Variants in HS3ST5 observed in about 807,000 individuals in gnomAD.
HS3ST5 encodes heparan sulfate-glucosamine 3-sulfotransferase 5, also known as heparan sulfate glucosamine 3-O-sulfotransferase 5.
Under a neutral mutation model 25.4 loss-of-function variants are expected in HS3ST5, and 10 were observed. The ratio of observed to expected loss-of-function variants is 0.39; its 90% CI spans 0.24 to 0.67. HS3ST5 has a LOEUF of 0.67. Ranked by LOEUF, HS3ST5 falls within the 30% of genes least tolerant of loss-of-function variation. The pLI is 0.44. For synonymous variants in HS3ST5, 170 were observed against 162.4 expected (o/e 1.05, Z -0.36); for missense variants, 324 against 420.7 (o/e 0.77, Z 2.01).
At chr6:114,301,732 T>A (rs1006359554) in intron 1 of HS3ST5, among the ~76,000 whole-genome samples, 3 of 152,024 alleles carry the variant, frequency 2.0e-5, no homozygotes, top group African/African-American at 7.3e-5. Flanking sequence ...TCCTGAAAAA[T>A]CTGGACATAT....
intron 1 of HS3ST5, among the ~76,000 whole-genome samples, chr6:114,341,093 C>A (rs1362233651): frequency 6.8e-6 from 1 of 146,576 alleles, no homozygotes; most frequent in African/African-American, 2.5e-5. Context: ...AATATTAAAT[C>A]TCTCCCCAGT....
intron 3 of HS3ST5, among the ~76,000 whole-genome samples, chr6:114,160,682 A>G (rs1037272937): frequency 2.0e-5 from 3 of 152,194 alleles, no homozygotes; most frequent in African/African-American, 4.8e-5. Flanking sequence ...AAAGTTCTCT[A>G]GTTCTTACCA....
intron 3 of HS3ST5, among the ~76,000 whole-genome samples, chr6:114,103,857 ATTTTTTTT>A (rs71553394): frequency 9.3e-6 from 1 of 107,148 alleles, no homozygotes; most frequent in Non-Finnish European, 1.8e-5. Flanking sequence ...CACCTGGCTA[ATTTTTTTT>A]TTTTTTTTTG....
Position 114,109,892 on chromosome 6 carries a change from C to T in HS3ST5, c.-32-47015G>A, listed in dbSNP as rs565688292. On this transcript the variant is annotated intron_variant, in intron 3 of 4. Coordinates refer to ENST00000312719, the MANE Select transcript of HS3ST5 (RefSeq NM_153612.4). ...ACAGTGCAGACATAGTCTTTGCCTT[C>T]ATGGTGCTTACCTTTTAGGAGAAAC... 3.3e-5 allele frequency among the ~76,000 whole-genome samples: 5 copies of T among 152,338 alleles called. No individual in the cohort carries two copies. The East Asian group carries it at 7.7e-4, about 23-fold the overall frequency.
chr6:114,082,545 T>A (rs1237524280), intron 3 of HS3ST5, among the ~76,000 whole-genome samples: 1 of 152,142 alleles, frequency 6.6e-6, no homozygotes, highest in Non-Finnish European at 1.5e-5. Context: ...AAGTTCGCAT[T>A]TATTGAGCGG....
At chr6:114,167,214 A>G (rs79601806) in intron 3 of HS3ST5, among the ~76,000 whole-genome samples, 1,690 of 152,324 alleles carry the variant, frequency 0.011, 32 homozygotes, top group African/African-American at 0.037. Flanking sequence ...GTGTGAGACA[A>G]TATTCAGAAT....
chr6:114,158,457 T>A (rs978539262), intron 3 of HS3ST5, among the ~76,000 whole-genome samples: 3 of 152,170 alleles, frequency 2.0e-5, no homozygotes, highest in Non-Finnish European at 1.5e-5. Flanking sequence ...TTATTTATTA[T>A]TATTAACATG....
At chr6:114,322,617 T>C (rs1776012750) in intron 1 of HS3ST5, among the ~76,000 whole-genome samples, 1 of 152,136 alleles carries the variant, frequency 6.6e-6, no homozygotes. Flanking sequence ...GAAACCTGTT[T>C]GTGAAAGGAC....
chr6:114,145,256 G>A (rs1286481702), intron 3 of HS3ST5, among the ~76,000 whole-genome samples: 1 of 152,098 alleles, frequency 6.6e-6, no homozygotes, highest in Non-Finnish European at 1.5e-5. Flanking sequence ...AGACTGCCTT[G>A]CTAAAACAAA....
At chr6:114,287,027 G>A (rs73542378) in intron 1 of HS3ST5, among the ~76,000 whole-genome samples, 4,838 of 151,904 alleles carry the variant, frequency 0.032, 272 homozygotes, top group African/African-American at 0.11. Context: ...GTGCTTGAAG[G>A]TGTCTTGTAT....
intron 1 of HS3ST5, among the ~76,000 whole-genome samples, chr6:114,329,562 T>G (rs1382458645): frequency 6.6e-6 from 1 of 152,056 alleles, no homozygotes; most frequent in Non-Finnish European, 1.5e-5. Flanking sequence ...TTAAAATGAA[T>G]GTGGTGGCAG....
chr6:114,103,358 C>T (rs1481105353), intron 3 of HS3ST5, among the ~76,000 whole-genome samples: 1 of 151,804 alleles, frequency 6.6e-6, no homozygotes, highest in Non-Finnish European at 1.5e-5. Flanking sequence ...ATGATAAACA[C>T]ATCAACCTCT....
At chr6:114,281,566 T>A (rs1774112353) in intron 1 of HS3ST5, among the ~76,000 whole-genome samples, 1 of 152,058 alleles carries the variant, frequency 6.6e-6, no homozygotes, top group African/African-American at 2.4e-5. Context: ...TACACTGATG[T>A]TAGGGATAGT....
chr6:114,131,673 G>T (rs1377665168), intron 3 of HS3ST5, among the ~76,000 whole-genome samples: 1 of 152,114 alleles, frequency 6.6e-6, no homozygotes, highest in African/African-American at 2.4e-5. Context: ...TTGCTCTTGG[G>T]CCTAAGAAGT....
intron 1 of HS3ST5, among the ~76,000 whole-genome samples, chr6:114,315,156 T>A (rs1775696379): frequency 1.3e-5 from 2 of 152,156 alleles, no homozygotes; most frequent in Admixed American, 6.5e-5. Flanking sequence ...TAAGAGCATT[T>A]TTATTTGTGC....
chr6:114,330,952 C>T (rs1261439152), intron 1 of HS3ST5, among the ~76,000 whole-genome samples: 1 of 152,208 alleles, frequency 6.6e-6, no homozygotes, highest in Non-Finnish European at 1.5e-5. Flanking sequence ...TTTTTCTCAG[C>T]ATCATTATTA....
At chr6:114,323,864 A>G (rs1437744945) in intron 1 of HS3ST5, among the ~76,000 whole-genome samples, 1 of 152,158 alleles carries the variant, frequency 6.6e-6, no homozygotes, top group Non-Finnish European at 1.5e-5. Context: ...AGGCAAACAC[A>G]GTTTTACCTT....
chr6:114,201,445 C>G (rs72952600), intron 2 of HS3ST5, among the ~76,000 whole-genome samples: 4,142 of 152,302 alleles, frequency 0.027, 54 homozygotes, highest in South Asian at 0.05. Context: ...TGGTCCCTCT[C>G]TTGTCCTGCC....
intron 1 of HS3ST5, among the ~76,000 whole-genome samples, chr6:114,282,426 A>G (rs557051876): frequency 1.3e-5 from 2 of 152,040 alleles, no homozygotes; most frequent in South Asian, 4.2e-4. Flanking sequence ...AAATAAACCT[A>G]ACACTTCTCA....
Sources: gnomAD v4.1 joint callset for allele counts (sites outside exome capture counted in the v4.1 genomes callset) on GRCh38, gnomAD v4.1.1 for gene constraint, MANE v1.5 for transcripts, NCBI Gene and HGNC (gene_info 2026-07-23, HGNC 2026-07-21) for gene names.